Variants in CORO2B observed in about 807,000 individuals in gnomAD.
CORO2B encodes the protein coronin 2B, also known as coronin-2B.
CORO2B carries 26 observed loss-of-function variants against 58.8 expected under a neutral mutation model. That is an observed-to-expected ratio of 0.44 (90% CI 0.32 to 0.61). The LOEUF is 0.61. Ranked by LOEUF, CORO2B falls within the 20% of genes least tolerant of loss-of-function variation. The pLI is 0.04. For missense variants in CORO2B, 460 were observed against 645.1 expected, an observed-to-expected ratio of 0.71 and a Z score of 3.11; for synonymous variants, 242 against 253.8, an observed-to-expected ratio of 0.95 and a Z score of 0.44.
At chr15:68,669,547 A>G (rs1902315374) in intron 2 of CORO2B, among the ~76,000 whole-genome samples, 1 of 152,148 alleles carries the variant, frequency 6.6e-6, no homozygotes. Flanking sequence ...AAGAAGAGCA[A>G]TCTATTCCCG....
chr15:68,547,448 A>G, the CORO2B span, among the ~76,000 whole-genome samples: 2 of 152,214 alleles, frequency 1.3e-5, no homozygotes, highest in Non-Finnish European at 2.9e-5. Context: ...TCTATCATCT[A>G]CAATGATAGT....
intron 1 of CORO2B, among the ~76,000 whole-genome samples, chr15:68,634,805 C>T (rs1000079689): frequency 6.6e-6 from 1 of 152,174 alleles, no homozygotes; most frequent in African/African-American, 2.4e-5. Context: ...ATGTGAACCA[C>T]CTGGACCACC....
rs763525030 is a variant in CORO2B, at chr15:68,719,202, C to A, written c.1139C>A (p.Thr380Asn). ...ACACCAGGCACGGAGCCAGCACTGA[C>A]CCCGGATGAATGGCTGGGAGGCATC... ...PMTPGTEPALTPDEWLGGINR... is the reference protein window; with the variant it reads ...PMTPGTEPALNPDEWLGGINR... The change falls in exon 10 of 12, where the codon ACC becomes AAC. Residue 380 changes from threonine (T) to asparagine (N), a missense_variant. Coordinates refer to ENST00000261861, the MANE Select transcript of CORO2B (RefSeq NM_006091.5). The A allele has an allele frequency of 1.1e-5, 18 of 1,613,952 alleles. No homozygotes were observed. The highest frequency in any genetic ancestry group is 1.4e-5 in the Non-Finnish European group (16 of 1,180,016).
intron 11 of CORO2B, among the ~76,000 whole-genome samples, chr15:68,721,770 CAG>C (rs1893167924): frequency 7.1e-6 from 1 of 141,476 alleles, no homozygotes; most frequent in African/African-American, 2.5e-5. Context: ...GTTTTAGAGA[CAG>C]AGTCCTGCCC....
the CORO2B span, among the ~76,000 whole-genome samples, chr15:68,558,890 GTCT>G: frequency 1.2e-4 from 18 of 152,186 alleles, no homozygotes; most frequent in African/African-American, 3.9e-4. Context: ...TCATCTCCAG[GTCT>G]TAGTACACAC....
chr15:68,615,159 C>T (rs1900323090), intron 1 of CORO2B, among the ~76,000 whole-genome samples: 1 of 152,212 alleles, frequency 6.6e-6, no homozygotes, highest in Admixed American at 6.5e-5. Flanking sequence ...TGATCCTCCA[C>T]CTCCCAGGGC....
intron 1 of CORO2B, among the ~76,000 whole-genome samples, chr15:68,586,658 TGA>T (rs2140561439): frequency 6.6e-6 from 1 of 152,296 alleles, no homozygotes; most frequent in East Asian, 1.9e-4. Context: ...GGTGGCCCAG[TGA>T]GGCAGGATGA....
At chr15:68,543,062 A>G in the CORO2B span, among the ~76,000 whole-genome samples, 1 of 152,212 alleles carries the variant, frequency 6.6e-6, no homozygotes. Context: ...ATGTGAGTCC[A>G]AAAAGCATCA....
At chr15:68,620,705 T>C (rs1900491617) in intron 1 of CORO2B, among the ~76,000 whole-genome samples, 1 of 152,222 alleles carries the variant, frequency 6.6e-6, no homozygotes, top group Non-Finnish European at 1.5e-5. Context: ...AGTAGGGTAA[T>C]TATTTCTTTG....
At chr15:68,709,732 T>C (rs922778480) in intron 3 of CORO2B, among the ~76,000 whole-genome samples, 3 of 152,188 alleles carry the variant, frequency 2.0e-5, no homozygotes, top group African/African-American at 7.2e-5. Context: ...ACATGTGCTC[T>C]TTCCAACCAG....
chr15:68,694,601 C>T (rs1892465655), intron 2 of CORO2B, among the ~76,000 whole-genome samples: 1 of 152,140 alleles, frequency 6.6e-6, no homozygotes, highest in Non-Finnish European at 1.5e-5. Context: ...ATAGGTGGAC[C>T]CAGAGATTCA....
At chr15:68,558,603 T>C in the CORO2B span, among the ~76,000 whole-genome samples, 1 of 152,208 alleles carries the variant, frequency 6.6e-6, no homozygotes, top group Non-Finnish European at 1.5e-5. Context: ...TTCAAATTCC[T>C]GGGCTCAAGC....
the CORO2B span, among the ~76,000 whole-genome samples, chr15:68,569,878 G>A: frequency 9.9e-5 from 15 of 152,176 alleles, no homozygotes; most frequent in Non-Finnish European, 2.2e-4. Flanking sequence ...GCTTGCCCAG[G>A]GAGTGGCAGA....
At chr15:68,555,243 G>T in the CORO2B span, among the ~76,000 whole-genome samples, 1 of 152,186 alleles carries the variant, frequency 6.6e-6, no homozygotes, top group Non-Finnish European at 1.5e-5. Context: ...TGGCCCTGCC[G>T]TCTTGTCCCC....
chr15:68,587,631 A>G (rs949923820), intron 1 of CORO2B, among the ~76,000 whole-genome samples: 4 of 152,212 alleles, frequency 2.6e-5, no homozygotes, highest in African/African-American at 9.6e-5. Flanking sequence ...CAATAACAAT[A>G]ACAATAATAA....
At position 68,713,993 on chromosome 15, in the gene CORO2B, G is replaced by C; in HGVS notation, c.717G>C (p.Thr239=). Residue 239 remains threonine, a synonymous_variant, in exon 6 of 12, where the codon ACG becomes ACC. Coordinates refer to ENST00000261861, the MANE Select transcript of CORO2B (RefSeq NM_006091.5). The part of the protein sequence containing the change: ...VFLGNMKRLL[T]TGVSRWNTRQ... ...TGGGGAACATGAAGCGGCTCCTCAC[G>C]ACAGGGGTCTCCAGGTGGAACACAA... 2 of 1,614,074 alleles carry C rather than the reference G, an allele frequency of 1.2e-6. No individual in the cohort carries two copies. The highest frequency in any genetic ancestry group is 2.2e-5 in the South Asian group (2 of 91,074).
At chr15:68,725,417 T>C (rs937032317) in intron 11 of CORO2B, among the ~76,000 whole-genome samples, 4 of 152,024 alleles carry the variant, frequency 2.6e-5, no homozygotes, top group Non-Finnish European at 4.4e-5. Context: ...ATAATATATG[T>C]AATACATGTA....
the CORO2B span, among the ~76,000 whole-genome samples, chr15:68,550,617 C>A: frequency 1.3e-5 from 2 of 152,202 alleles, no homozygotes; most frequent in Non-Finnish European, 2.9e-5. Context: ...ATTACTGTCG[C>A]CCCCGAGTTC....
chr15:68,591,680 C>G (rs2140233481), intron 1 of CORO2B, among the ~76,000 whole-genome samples: 1 of 152,252 alleles, frequency 6.6e-6, no homozygotes, highest in African/African-American at 2.4e-5. Flanking sequence ...TCTCCCTGTG[C>G]CTGGGAGCTG....
Sources: allele counts gnomAD v4.1 joint callset (sites outside exome capture counted in the v4.1 genomes callset), GRCh38; gene constraint gnomAD v4.1.1; transcripts MANE v1.5; gene names NCBI Gene and HGNC (gene_info 2026-07-23, HGNC 2026-07-21).